RO60: variants seen among roughly 807,000 people sequenced by gnomAD.
RO60 encodes the protein RNA-binding protein RO60.
In RO60, 20 loss-of-function variants were observed where a neutral mutation model predicts 55.3. The ratio of observed to expected loss-of-function variants is 0.36; its 90% CI spans 0.25 to 0.53. The LOEUF is 0.53. Ranked by LOEUF, RO60 falls within the 20% of genes least tolerant of loss-of-function variation. The pLI is 0.92. For synonymous variants in RO60, 213 were observed against 213.6 expected (o/e 1.00, Z 0.02); for missense variants, 558 against 646.6 (o/e 0.86, Z 1.49).
chr1:193,061,052 A>G (rs1362995286), intron 1 of RO60, among the ~76,000 whole-genome samples: 1 of 152,206 alleles, frequency 6.6e-6, no homozygotes, highest in Non-Finnish European at 1.5e-5. Flanking sequence ...CACAATCTAG[A>G]AGTAAGCAGA....
intron 2 of RO60, among the ~76,000 whole-genome samples, chr1:193,074,984 C>T (rs1454864732): frequency 3.3e-5 from 5 of 152,082 alleles, no homozygotes; most frequent in African/African-American, 1.2e-4. Context: ...TGTTCTCAAA[C>T]CCCTGACCTC....
intron 8 of RO60, among the ~76,000 whole-genome samples, chr1:193,084,118 A>T (rs1674500687): frequency 6.6e-6 from 1 of 152,232 alleles, no homozygotes. Context: ...TTAATCTTAC[A>T]TTTAGCTGTA....
At position 193,059,625 on chromosome 1, in the gene RO60, A is replaced by T. The variant is rs2887639; in HGVS notation, c.-173A>T. 4 of 1,409,528 alleles carry T rather than the reference A, an allele frequency of 2.8e-6. No individual in the cohort carries two copies. The highest frequency in any genetic ancestry group is 3.8e-6 in the Non-Finnish European group (4 of 1,051,566). 87.3% of individuals were successfully genotyped at this position (1,409,528 alleles called of 1,614,324 possible). A position where few individuals can be genotyped will look rare whatever the true frequency, so the allele number is the denominator to read the frequency against. On this transcript the variant is annotated 5_prime_UTR_variant, in exon 1 of 9. Transcript: ENST00000400968. This position sits in a 1 kb window ranked among gnomAD's most constrained non-coding sequence, Gnocchi z 4.9. ...AAGAGGGGCAGGACTCGTTCCCGGG[A>T]ACCGAACCTGGAATCCCCGGCGGCA... is the stretch of plus-strand genomic sequence containing the variant.
chr1:193,061,652 A>G (rs1402982515), intron 1 of RO60, among the ~76,000 whole-genome samples: 1 of 152,240 alleles, frequency 6.6e-6, no homozygotes, highest in Non-Finnish European at 1.5e-5. Context: ...AAAGTAGAGA[A>G]ATGGACATTG....
chr1:193,077,518 G>A (rs1386698092), intron 5 of RO60, among the ~76,000 whole-genome samples: 1 of 152,112 alleles, frequency 6.6e-6, no homozygotes, highest in Admixed American at 6.6e-5. Context: ...GAGCATAAGG[G>A]GGGAAGCTCC....
rs748161052 is a variant in RO60, at chr1:193,076,964, G to A, written c.1000G>A (p.Gly334Ser). The change falls in exon 5 of 9, where the codon GGT (glycine) becomes AGT (serine). Residue 334 changes from glycine (G) to serine (S), a missense_variant. Gly to Ser is a moderately conservative substitution (Grantham distance 56). Transcript: ENST00000400968. The stretch of plus-strand genomic sequence containing the variant: ...GATCGCATTAGAAACTTACAAGACA[G>A]GTCATGGTCTCAGAGGGAAACTGAA... ...ILIALETYKT[G>S]HGLRGKLKWR... 3 of 1,613,154 alleles carry A rather than the reference G, an allele frequency of 1.9e-6. No individual in the cohort carries two copies. In the East Asian group the frequency reaches 6.7e-5, roughly 36 times the overall value.
In RO60 at chr1:193,075,943, T is replaced by G; in HGVS notation, c.704T>G (p.Val235Gly). The change falls in exon 3 of 9, where the codon GTG (valine) becomes GGG (glycine). Residue 235 changes from valine (V) to glycine (G), a missense_variant. Val to Gly is a moderately radical substitution (Grantham distance 109). Transcript: ENST00000400968. Reference sequence around the variant, plus strand: ...AAGTATCTGGAGGCTGTAGAGAAAGTGAAGCGCACAAGAGATGAGCTAGAA... The same window carrying G: ...AAGTATCTGGAGGCTGTAGAGAAAGGGAAGCGCACAAGAGATGAGCTAGAA... ...LLKYLEAVEK[V>G]KRTRDELEVI... is the part of the protein sequence containing the mutation. 2 of 1,613,310 alleles carry G rather than the reference T, an allele frequency of 1.2e-6. No homozygotes were observed. The highest frequency in any genetic ancestry group is 1.7e-6 in the Non-Finnish European group (2 of 1,179,576).
At chr1:193,082,460 T>C in intron 7 of RO60, 102 bp from the exon 8 acceptor site, 1 of 1,406,570 alleles carries the variant, frequency 7.1e-7, no homozygotes, top group Non-Finnish European at 9.8e-7. Flanking sequence ...ATGCAGGCTT[T>C]GGGAAGGCTG....
chr1:193,083,781 G>A (rs949808160), intron 8 of RO60, among the ~76,000 whole-genome samples: 10 of 152,032 alleles, frequency 6.6e-5, no homozygotes, highest in Non-Finnish European at 1.3e-4. Flanking sequence ...TAAGAAATGG[G>A]GTCTCCATCA....
intron 1 of RO60, among the ~76,000 whole-genome samples, chr1:193,067,885 A>T (rs913178942): frequency 6.6e-6 from 1 of 152,186 alleles, no homozygotes; most frequent in Non-Finnish European, 1.5e-5. Context: ...GTGTATAAGC[A>T]GGGCAGTTTC....
chr1:193,085,955 T>A lies in RO60; in HGVS notation c.*1224T>A. 4 of 985,308 alleles carry A rather than the reference T, an allele frequency of 4.1e-6. No homozygotes were observed. The highest frequency in any genetic ancestry group is 3.6e-6 in the Non-Finnish European group (3 of 829,828). 61.0% of individuals were successfully genotyped at this position (985,308 alleles called of 1,614,324 possible). ...TGAGCAAGTATCCTTCATTGTGAGG[T>A]TTAACATTAAAGCAATCTGTTGAAA... On this transcript the variant is annotated 3_prime_UTR_variant, in exon 9 of 9. Transcript: ENST00000400968.
intron 7 of RO60, 110 bp downstream of exon 7, chr1:193,082,409 G>C: frequency 2.2e-6 from 3 of 1,338,316 alleles, no homozygotes; most frequent in Non-Finnish European, 3.1e-6. Flanking sequence ...AATTTTTTTT[G>C]TCTTAATTTT....
In RO60 at chr1:193,084,830, T is replaced by A. The variant is rs920971036; in HGVS notation, c.*99T>A. The A allele has an allele frequency of 5.2e-6, 8 of 1,527,736 alleles. No homozygotes were observed. Among genetic ancestry groups the A allele is most frequent in the Non-Finnish European group, 6.1e-6 (7 of 1,145,244 alleles). 94.6% of individuals were successfully genotyped at this position (1,527,736 alleles called of 1,614,324 possible). ...CTAATCTCCACCCAATGAATGATGA[T>A]GGTATAGTATGTGCATAATGGAAAG... is the stretch of plus-strand genomic sequence containing the variant. On this transcript the variant is annotated 3_prime_UTR_variant, in exon 9 of 9. Coordinates refer to ENST00000400968, the MANE Select transcript of RO60 (RefSeq NM_001173524.2).
chr1:193,085,736 CTT>C lies in RO60; in HGVS notation c.*1007_*1008del. ...TTAAAAGTATACATGTCAATGGCCT[CTT>C]TGTCCATTATTCATTTTGTGGCAAA... On this transcript the variant is annotated 3_prime_UTR_variant, in exon 9 of 9. Coordinates refer to ENST00000400968, the MANE Select transcript of RO60 (RefSeq NM_001173524.2). 1.0e-6 allele frequency: 1 copy of C among 984,366 alleles called. No homozygotes were observed. Among genetic ancestry groups the C allele is most frequent in the Non-Finnish European group, 1.2e-6 (1 of 829,138 alleles). 61.0% of individuals were successfully genotyped at this position (984,366 alleles called of 1,614,324 possible).
rs372621322 is a variant in RO60 at position 193,089,158 on chromosome 1, A to C, written c.*4427A>C. ...TGTTTGCAGAAATTCTGTGGCCTTT[A>C]AGATCAGTTATTCAGCCTTTGTAAT... is the stretch of plus-strand genomic sequence containing the variant. On this transcript the variant is annotated 3_prime_UTR_variant, in exon 9 of 9. Transcript: ENST00000400968. The C allele has an allele frequency of 1.3e-5, 2 of 152,326 alleles. No individual in the cohort carries two copies. Among genetic ancestry groups the C allele is most frequent in the South Asian group, 2.1e-4 (1 of 4,832 alleles). 9.4% of individuals were successfully genotyped at this position (152,326 alleles called of 1,614,324 possible).
At chr1:193,060,439 A>G (rs573560694) in intron 1 of RO60, among the ~76,000 whole-genome samples, 2 of 152,260 alleles carry the variant, frequency 1.3e-5, no homozygotes, top group South Asian at 4.1e-4. Flanking sequence ...AGTTTTTAAG[A>G]GTATATTGAA....
chr1:193,069,982 T>C (rs1405161956), intron 2 of RO60, among the ~76,000 whole-genome samples: 1 of 152,148 alleles, frequency 6.6e-6, no homozygotes, highest in Non-Finnish European at 1.5e-5. Flanking sequence ...GTACAGTCAC[T>C]AGAAGGAACT....
intron 2 of RO60, among the ~76,000 whole-genome samples, chr1:193,073,649 C>T (rs888017088): frequency 2.6e-5 from 4 of 152,182 alleles, no homozygotes; most frequent in African/African-American, 7.2e-5. Flanking sequence ...TCTTGGCCCA[C>T]TGTAACCTCT....
rs561069411 is a variant in RO60, at chr1:193,086,964, A to G, written c.*2233A>G. 4 of 152,202 alleles carry G rather than the reference A, an allele frequency of 2.6e-5. No individual in the cohort carries two copies. The highest frequency in any genetic ancestry group is 5.9e-5 in the Non-Finnish European group (4 of 68,014). The allele number at this position is 152,202 out of a possible 1,614,324, so 9.4% of individuals were successfully genotyped here. On this transcript the variant is annotated 3_prime_UTR_variant, in exon 9 of 9. Coordinates refer to ENST00000400968, the MANE Select transcript of RO60 (RefSeq NM_001173524.2). Reference sequence around the variant, plus strand: ...AGACAGAGTGTGATTTTGAAGTACTATAACCTAGAAATCTTGGTCTCTTCA... The same window carrying G: ...AGACAGAGTGTGATTTTGAAGTACTGTAACCTAGAAATCTTGGTCTCTTCA...
Sources: allele counts gnomAD v4.1 joint callset (sites outside exome capture counted in the v4.1 genomes callset), GRCh38; gene constraint gnomAD v4.1.1; non-coding constraint Gnocchi (gnomAD v3.1); transcripts MANE v1.5; gene names NCBI Gene and HGNC (gene_info 2026-07-23, HGNC 2026-07-21).